The following ATXN1 variants were observed in gnomAD, a reference collection of about 807,000 sequenced individuals.
The protein encoded by ATXN1 is ataxin 1, also known as ataxin-1.
In ATXN1, 8 loss-of-function variants were observed where a neutral mutation model predicts 56.4. The ratio of observed to expected loss-of-function variants is 0.14; its 90% CI spans 0.08 to 0.26. ATXN1 has a LOEUF of 0.26. Among genes scored for constraint, ATXN1 ranks in the 10% least tolerant of loss-of-function variants. The pLI, the probability that ATXN1 is intolerant of heterozygous loss-of-function variation, is 1.00. For missense variants in ATXN1, 987 were observed against 1,106.5 expected, an observed-to-expected ratio of 0.89 and a Z score of 1.53; for synonymous variants, 514 against 494.6, an observed-to-expected ratio of 1.04 and a Z score of -0.52.
intron 7 of ATXN1, among the ~76,000 whole-genome samples, chr6:16,322,406 G>T (rs1181922510): frequency 6.6e-6 from 1 of 150,530 alleles, no homozygotes; most frequent in Non-Finnish European, 1.5e-5. Context: ...GGGGTGTGAT[G>T]TTGGGGGGGT....
intron 2 of ATXN1, among the ~76,000 whole-genome samples, chr6:16,689,815 G>A (rs1316917689): frequency 6.6e-6 from 1 of 151,810 alleles, no homozygotes. Context: ...CTTATTATGA[G>A]GGCTAAAAAT....
chr6:16,481,182 T>G (rs1447153323), intron 6 of ATXN1, among the ~76,000 whole-genome samples: 1 of 152,208 alleles, frequency 6.6e-6, no homozygotes, highest in East Asian at 1.9e-4. Flanking sequence ...GCAGGAGCAT[T>G]ACAAGCAAGG....
At chr6:16,629,694 T>C (rs1293026403) in intron 3 of ATXN1, among the ~76,000 whole-genome samples, 1 of 151,902 alleles carries the variant, frequency 6.6e-6, no homozygotes, top group Non-Finnish European at 1.5e-5. Context: ...AGTGGGTGGA[T>C]CCCCTGAGGT....
rs201445747 is a variant in ATXN1 at position 16,484,050 on chromosome 6, G to GT, written c.-161+1921dup. The stretch of plus-strand genomic sequence containing the variant: ...TAGTGACAGAAACTTTTACAATAAG[G>GT]TTTTTTTTAAAAAAATAAGTAAAAT... On this transcript the variant is annotated intron_variant, in intron 6 of 7. Transcript: ENST00000436367. Among the ~76,000 whole-genome samples the GT allele has an allele frequency of 2.7e-3, 407 of 151,986 alleles. 3 individuals are homozygous for GT. The highest frequency in any genetic ancestry group is 8.6e-3 in the African/African-American group (358 of 41,436).
chr6:16,374,940 G>C (rs1762113739), intron 6 of ATXN1, among the ~76,000 whole-genome samples: 1 of 152,228 alleles, frequency 6.6e-6, no homozygotes, highest in Non-Finnish European at 1.5e-5. Flanking sequence ...ATGCAAATGA[G>C]AATTGGTCTG....
chr6:16,363,906 G>A (rs990277634), intron 6 of ATXN1, among the ~76,000 whole-genome samples: 3 of 152,172 alleles, frequency 2.0e-5, no homozygotes, highest in Non-Finnish European at 4.4e-5. Context: ...AAATCTTTTC[G>A]TTAAGTGACT....
chr6:16,379,988 G>A (rs1762218937), intron 6 of ATXN1, among the ~76,000 whole-genome samples: 1 of 152,178 alleles, frequency 6.6e-6, no homozygotes, highest in African/African-American at 2.4e-5. Context: ...CACCCAGCAG[G>A]CTATAGAATG....
intron 3 of ATXN1, among the ~76,000 whole-genome samples, chr6:16,637,498 AAAAT>A (rs1314685994): frequency 2.0e-5 from 3 of 151,820 alleles, no homozygotes; most frequent in African/African-American, 4.8e-5. Context: ...AGTATAATAA[AAAAT>A]AAATAAAATA....
intron 2 of ATXN1, among the ~76,000 whole-genome samples, chr6:16,747,489 T>C (rs1389773626): frequency 6.6e-6 from 1 of 152,226 alleles, no homozygotes; most frequent in East Asian, 1.9e-4. Flanking sequence ...AGCTTCCCGG[T>C]TAGTCATATG....
At chr6:16,458,619 C>T (rs9396674) in intron 6 of ATXN1, among the ~76,000 whole-genome samples, 66,180 of 152,044 alleles carry the variant, frequency 0.44, 15,234 homozygotes, top group East Asian at 0.81. Context: ...GCCGCAGCCT[C>T]AGTCATGGCC....
intron 6 of ATXN1, among the ~76,000 whole-genome samples, chr6:16,349,103 C>T (rs576901005): frequency 6.6e-6 from 1 of 152,220 alleles, no homozygotes; most frequent in African/African-American, 2.4e-5. Context: ...GAGGGCCTGG[C>T]GTACTCAAGA....
chr6:16,466,188 G>A (rs1278410425), intron 6 of ATXN1, among the ~76,000 whole-genome samples: 1 of 151,904 alleles, frequency 6.6e-6, no homozygotes, highest in Non-Finnish European at 1.5e-5. Context: ...AGTGGCAGGT[G>A]CCTGTAATCC....
chr6:16,725,789 A>C (rs1759835952), intron 2 of ATXN1, among the ~76,000 whole-genome samples: 1 of 152,202 alleles, frequency 6.6e-6, no homozygotes, highest in South Asian at 2.1e-4. Context: ...AGGAAGAGAA[A>C]AAAAGCATCA....
intron 5 of ATXN1, among the ~76,000 whole-genome samples, chr6:16,499,804 T>C (rs1222220755): frequency 6.6e-6 from 1 of 152,238 alleles, no homozygotes; most frequent in African/African-American, 2.4e-5. Flanking sequence ...GTTGTAGAAT[T>C]CTGGCTATCA....
chr6:16,312,621 CG>C (rs1177935093), intron 7 of ATXN1, among the ~76,000 whole-genome samples: 1 of 152,092 alleles, frequency 6.6e-6, no homozygotes, highest in African/African-American at 2.4e-5. Flanking sequence ...GAGGCCGAGG[CG>C]GGCGGATCAC....
At chr6:16,332,328 C>A (rs180701804) in intron 6 of ATXN1, among the ~76,000 whole-genome samples, 105 of 152,032 alleles carry the variant, frequency 6.9e-4, no homozygotes, top group African/African-American at 2.4e-3. Context: ...CCTGGTCTAT[C>A]GGGTGATCAT....
At position 16,567,696 on chromosome 6, in the gene ATXN1, T is replaced by C. The variant is rs554235539; in HGVS notation, c.-361+18084A>G. On this transcript the variant is annotated intron_variant, in intron 4 of 7. Transcript: ENST00000436367. ...GGATAGTAAGTTCCCTGAGAAGGCATATCTCCAGGACCAGTGTTCCGCCTT... is the reference window on the plus strand; with the variant it reads ...GGATAGTAAGTTCCCTGAGAAGGCACATCTCCAGGACCAGTGTTCCGCCTT... Among the ~76,000 whole-genome samples, 9 of 151,984 alleles carry C rather than the reference T, an allele frequency of 5.9e-5. No individual in the cohort carries two copies. In the East Asian group the frequency reaches 1.5e-3, roughly 26 times the overall value.
At chr6:16,343,847 G>T (rs1160508906) in intron 6 of ATXN1, among the ~76,000 whole-genome samples, 2 of 152,194 alleles carry the variant, frequency 1.3e-5, no homozygotes, top group African/African-American at 4.8e-5. Context: ...ACCAGTGGGT[G>T]TGGGTGGCTG....
chr6:16,662,785 C>A (rs1021535104), intron 2 of ATXN1, among the ~76,000 whole-genome samples: 1 of 152,164 alleles, frequency 6.6e-6, no homozygotes, highest in African/African-American at 2.4e-5. Context: ...TCTTCCATTT[C>A]AGTCTGGTTA....
Sources: gnomAD v4.1 joint callset for allele counts (sites outside exome capture counted in the v4.1 genomes callset) on GRCh38, gnomAD v4.1.1 for gene constraint, MANE v1.5 for transcripts, NCBI Gene and HGNC (gene_info 2026-07-23, HGNC 2026-07-21) for gene names.